The following GATA4 variants were observed in gnomAD, a reference collection of about 807,000 sequenced individuals.
The protein encoded by GATA4 is transcription factor GATA-4.
GATA4 carries 7 observed loss-of-function variants against 37.9 expected under a neutral mutation model. The ratio of observed to expected loss-of-function variants is 0.18; its 90% confidence interval spans 0.11 to 0.35. GATA4 has a LOEUF of 0.35. GATA4 is among the 10% of genes least tolerant of loss of function. GATA4 has a pLI of 1.00. For missense variants in GATA4, 647 were observed against 653.0 expected (o/e 0.99, Z 0.10); for synonymous variants, 372 against 292.6 (o/e 1.27, Z -2.77).
At chr8:11,726,568 G>C (rs548808991) in intron 2 of GATA4, among the ~76,000 whole-genome samples, 12 of 152,202 alleles carry the variant, frequency 7.9e-5, no homozygotes, top group Admixed American at 2.0e-4. Flanking sequence ...TGCACATGTG[G>C]GATACTCCAG....
At chr8:11,733,515 C>G (rs1801305923) in intron 2 of GATA4, among the ~76,000 whole-genome samples, 2 of 152,132 alleles carry the variant, frequency 1.3e-5, no homozygotes, top group African/African-American at 4.8e-5. Flanking sequence ...AATGGGGAGG[C>G]TGTGGCATAA....
chr8:11,755,088 A>C lies in GATA4; in HGVS notation c.955A>C (p.Arg319=). ...AATGCGGAAAGAGGGGATCCAAACC[A>C]GAAAACGGAAGCCCAAGAACCTGAA... ...LAMRKEGIQT[R]KRKPKNLNKS... Residue 319 remains arginine (R), a synonymous_variant, in exon 5 of 7, where the codon AGA becomes CGA. Transcript: ENST00000532059. The C allele has an allele frequency of 3.7e-6, 6 of 1,614,188 alleles. No homozygotes were observed. The highest frequency in any genetic ancestry group is 5.1e-6 in the Non-Finnish European group (6 of 1,180,018).
intron 1 of GATA4, among the ~76,000 whole-genome samples, chr8:11,682,540 A>G (rs996263688): frequency 2.6e-5 from 4 of 152,246 alleles, no homozygotes; most frequent in South Asian, 2.1e-4. Flanking sequence ...AACAAAACAG[A>G]GACAAGATTT....
At position 11,697,798 on chromosome 8, in the gene GATA4, G is replaced by C. The variant is rs1281677961; in HGVS notation, c.-728-2710G>C. 8 of 985,342 alleles carry C rather than the reference G, an allele frequency of 8.1e-6. No individual in the cohort carries two copies. The South Asian group carries it at 3.8e-4, about 46-fold the overall frequency. The allele number at this position is 985,342 out of a possible 1,614,324, so 61.0% of individuals were successfully genotyped here. A position where few individuals can be genotyped will look rare whatever the true frequency, so the allele number is the denominator to read the frequency against. On this transcript the variant is annotated intron_variant, in intron 1 of 2. Coordinates refer to the GATA4 transcript ENST00000526974. ...CTCCAACTCCGGGTCACCTCGGGGC[G>C]AGGGCAAGGGTGCCGGGCCGGTGGG...
chr8:11,742,979 T>G (rs1350551870), intron 2 of GATA4, among the ~76,000 whole-genome samples: 1 of 152,160 alleles, frequency 6.6e-6, no homozygotes, highest in South Asian at 2.1e-4. Context: ...TGGGCTGGGG[T>G]CTGGCCTTTT....
rs1800420998 is a variant in GATA4, at chr8:11,716,072, G to A, written c.616+7144G>A. ...TCCTTCCTTTTTAAAGCTGAATAAT[G>A]TTCCATTGTATGTGTAGACCACGTT... On this transcript the variant is annotated intron_variant, in intron 2 of 6. Coordinates refer to ENST00000532059, the MANE Select transcript of GATA4 (RefSeq NM_001308093.3). Among the ~76,000 whole-genome samples the A allele has an allele frequency of 2.0e-5, 3 of 152,164 alleles. No individual in the cohort carries two copies. The South Asian group carries it at 6.2e-4, about 32-fold the overall frequency.
intron 4 of GATA4, among the ~76,000 whole-genome samples, chr8:11,754,521 C>T (rs1802458795): frequency 6.6e-6 from 1 of 152,216 alleles, no homozygotes; most frequent in African/African-American, 2.4e-5. Context: ...CCTGGCCTAG[C>T]ACCCACTTTT....
At chr8:11,718,865 T>C (rs1399174821) in intron 2 of GATA4, among the ~76,000 whole-genome samples, 1 of 152,236 alleles carries the variant, frequency 6.6e-6, no homozygotes, top group Admixed American at 6.5e-5. Context: ...GTCTCAAAGT[T>C]CACCACTTTT....
At chr8:11,693,189 G>A (rs2129986012) in intron 1 of GATA4, 1 of 676,254 alleles carries the variant, frequency 1.5e-6, no homozygotes, top group Non-Finnish European at 1.8e-6. Context: ...CGGCAAGCTG[G>A]GCGCGGTGGC....
In GATA4 at chr8:11,758,201, C is replaced by T. The variant is rs547016994; in HGVS notation, c.1150-92C>T. The T allele has an allele frequency of 4.6e-5, 58 of 1,253,566 alleles. No individual in the cohort carries two copies. The African/African-American group carries it at 7.8e-4, about 17-fold the overall frequency. 77.7% of individuals were successfully genotyped at this position (1,253,566 alleles called of 1,614,324 possible). ...CTGAGGGCTGAAGCCATCCTGGGGA[C>T]ATCTGCATAGCAGGGCACCCTCCCC... On this transcript the variant is annotated intron_variant, in intron 6 of 6. Coordinates refer to ENST00000532059, the MANE Select transcript of GATA4 (RefSeq NM_001308093.3).
intron 1 of GATA4, among the ~76,000 whole-genome samples, chr8:11,687,442 G>A (rs1799173516): frequency 6.6e-6 from 1 of 152,070 alleles, no homozygotes; most frequent in Non-Finnish European, 1.5e-5. Context: ...CCTCCTCTTG[G>A]CCCTGCTTCA....
chr8:11,743,825 G>A (rs1199220440), intron 2 of GATA4, among the ~76,000 whole-genome samples: 2 of 152,148 alleles, frequency 1.3e-5, no homozygotes, highest in Non-Finnish European at 2.9e-5. Flanking sequence ...TTAATTGATA[G>A]GAATATCCAT....
chr8:11,714,400 T>G (rs1281406779), intron 2 of GATA4, among the ~76,000 whole-genome samples: 2 of 152,118 alleles, frequency 1.3e-5, no homozygotes, highest in Non-Finnish European at 2.9e-5. Context: ...CCCGAAGTGT[T>G]TTCTGGATCT....
At chr8:11,703,340 C>A (rs745525735), upstream of GATA4, among the ~76,000 whole-genome samples, 4 of 152,150 alleles carry the variant, frequency 2.6e-5, no homozygotes, top group Non-Finnish European at 5.9e-5. Context: ...GGCTCGCAGC[C>A]CCGCTGCGCT....
At chr8:11,713,052 CTT>C (rs35874748) in intron 2 of GATA4, among the ~76,000 whole-genome samples, 65 of 150,300 alleles carry the variant, frequency 4.3e-4, no homozygotes, top group African/African-American at 1.3e-3. Context: ...CAAGAGAACA[CTT>C]TTTTTTTTCT....
intron 2 of GATA4, among the ~76,000 whole-genome samples, chr8:11,712,743 T>G (rs1800250350): frequency 6.7e-6 from 1 of 148,678 alleles, no homozygotes; most frequent in East Asian, 2.0e-4. Flanking sequence ...TGCCTATAAC[T>G]CCAGCAACTC....
chr8:11,692,011 T>C, upstream of GATA4: 2 of 985,378 alleles, frequency 2.0e-6, no homozygotes, highest in Non-Finnish European at 2.4e-6. Context: ...GGAGACTGCT[T>C]CGCAGGGGAT....
chr8:11,700,245 T>C (rs1214970672), upstream of GATA4, among the ~76,000 whole-genome samples: 1 of 152,212 alleles, frequency 6.6e-6, no homozygotes, highest in African/African-American at 2.4e-5. Context: ...AGGAAGCATT[T>C]GAGGAGGTCT....
At chr8:11,698,120 T>A in intron 1 of GATA4, 1 of 559,994 alleles carries the variant, frequency 1.8e-6, no homozygotes, top group Non-Finnish European at 2.3e-6. Flanking sequence ...TCCTGGCCTC[T>A]CTCTGCGTCG....
Sources: gnomAD v4.1 joint callset for allele counts (sites outside exome capture counted in the v4.1 genomes callset) on GRCh38, gnomAD v4.1.1 for gene constraint, MANE v1.5 for transcripts, NCBI Gene and HGNC (gene_info 2026-07-23, HGNC 2026-07-21) for gene names.